Variants in BMX observed in about 807,000 individuals in gnomAD.
BMX encodes BMX non-receptor tyrosine kinase.
In BMX, 31 loss-of-function variants were observed where a neutral mutation model predicts 59.2. That is an observed-to-expected ratio of 0.52 (90% confidence interval 0.39 to 0.71). The LOEUF is 0.71. BMX is among the 30% of genes least tolerant of loss of function. The pLI, the probability that BMX is intolerant of heterozygous loss-of-function variation, is 0.00. For missense variants in BMX, 474 were observed against 491.7 expected (o/e 0.96, Z 0.34); for synonymous variants, 185 against 181.0 (o/e 1.02, Z -0.18).
Position 15,516,100 on chromosome X carries a change from T to G in BMX, c.326-12T>G. On this transcript the variant is annotated splice_polypyrimidine_tract_variant and intron_variant, in intron 4 of 18. Transcript: ENST00000348343. ...TTGCTAACGTCTTGTTTTCTTCCTGTCTGCTCCTCAGAGATAAGGGGTAAC... is the reference window on the plus strand; with the variant it reads ...TTGCTAACGTCTTGTTTTCTTCCTGGCTGCTCCTCAGAGATAAGGGGTAAC... 1 of 1,207,802 alleles carries G rather than the reference T, an allele frequency of 8.3e-7. No homozygotes were observed. Among genetic ancestry groups the G allele is most frequent in the Non-Finnish European group, 1.1e-6 (1 of 892,434 alleles).
intron 14 of BMX, 37 bp downstream of exon 14, chrX:15,537,342 T>C (rs1211090615): frequency 8.4e-7 from 1 of 1,195,418 alleles, no homozygotes; most frequent in Admixed American, 2.2e-5. Flanking sequence ...TTAGCCCTCA[T>C]CATGGGAGGG....
intron 11 of BMX, among the ~76,000 whole-genome samples, chrX:15,531,869 T>C: frequency 8.9e-6 from 1 of 111,981 alleles, no homozygotes; most frequent in East Asian, 2.8e-4. Flanking sequence ...GAAGGTTGAC[T>C]CAGTGCTGCT....
At chrX:15,527,722 C>T (rs2147121796) in intron 9 of BMX, among the ~76,000 whole-genome samples, 1 of 111,898 alleles carries the variant, frequency 8.9e-6, no homozygotes, top group East Asian at 2.8e-4. Flanking sequence ...CCTCTCATCT[C>T]TAACCCAGCC....
At position 15,543,013 on chromosome X, in the gene BMX, A is replaced by G; in HGVS notation, c.1612-58A>G. ...TGAGAATTCTACTCAAAAGGAGGAA[A>G]ATGTCAGGAGATTCTTGGTCACTTT... On this transcript the variant is annotated intron_variant, in intron 15 of 18. Coordinates refer to ENST00000348343, the MANE Select transcript of BMX (RefSeq NM_203281.3). The G allele has an allele frequency of 2.8e-6, 3 of 1,090,388 alleles. No homozygotes were observed. The Admixed American group carries it at 6.6e-5, about 24-fold the overall frequency. The allele number at this position is 1,090,388 out of a possible 1,213,427, so 89.9% of individuals were successfully genotyped here.
At chrX:15,507,986 G>A (rs771992233) in intron 1 of BMX, among the ~76,000 whole-genome samples, 1 of 111,825 alleles carries the variant, frequency 8.9e-6, no homozygotes, top group South Asian at 3.7e-4. Flanking sequence ...ATTTTCTGAA[G>A]TTTTATTATA....
intron 10 of BMX, among the ~76,000 whole-genome samples, chrX:15,530,332 T>C (rs894883872): frequency 1.5e-4 from 17 of 111,800 alleles, no homozygotes; most frequent in African/African-American, 5.2e-4. Flanking sequence ...TTAGGGGCAC[T>C]CCTGTGGCTG....
Position 15,516,125 on chromosome X carries a change from C to G in BMX, c.339C>G (p.Asn113Lys). The change falls in exon 5 of 19, where the codon AAC (asparagine) becomes AAG (lysine). Residue 113 changes from asparagine to lysine, a missense_variant. Asn to Lys is a moderately conservative substitution (Grantham distance 94). Coordinates refer to ENST00000348343, the MANE Select transcript of BMX (RefSeq NM_203281.3). ...LKALQKEIRG[N>K]PHLLVKYHSG... Reference sequence around the variant, plus strand: ...TCTGCTCCTCAGAGATAAGGGGTAACCCCCACCTGCTGGTCAAGTACCATA... The same window carrying G: ...TCTGCTCCTCAGAGATAAGGGGTAAGCCCCACCTGCTGGTCAAGTACCATA... 8.3e-7 allele frequency: 1 copy of G among 1,210,577 alleles called. No individual in the cohort carries two copies. The highest frequency in any genetic ancestry group is 1.8e-5 in the South Asian group (1 of 56,845).
intron 8 of BMX, among the ~76,000 whole-genome samples, chrX:15,525,779 T>C (rs1282597206): frequency 1.8e-5 from 2 of 112,279 alleles, no homozygotes; most frequent in Non-Finnish European, 3.8e-5. Flanking sequence ...CAAAGAAATA[T>C]AAGTTCTTCT....
intron 5 of BMX, among the ~76,000 whole-genome samples, chrX:15,516,488 T>A (rs1924162454): frequency 8.9e-6 from 1 of 111,931 alleles, no homozygotes; most frequent in Non-Finnish European, 1.9e-5. Flanking sequence ...AAAATTTGAA[T>A]CATTAATCAA....
At position 15,544,128 on chromosome X, in the gene BMX, A is replaced by C. The variant is rs62578901; in HGVS notation, c.1676+993A>C. On this transcript the variant is annotated intron_variant, in intron 16 of 18. Coordinates refer to ENST00000348343, the MANE Select transcript of BMX (RefSeq NM_203281.3). The stretch of plus-strand genomic sequence containing the variant: ...TTCTGAAGGTGAATAATGCAGTTTA[A>C]AAGAGATCTGAAGAGTTGACCAAGG... Among the ~76,000 whole-genome samples, 839 of 111,548 alleles carry C rather than the reference A, an allele frequency of 7.5e-3. 4 individuals are homozygous for C. Among genetic ancestry groups the C allele is most frequent in the Middle Eastern group, 0.019 (4 of 216 alleles).
chrX:15,514,512 C>G (rs1195539770), intron 4 of BMX, among the ~76,000 whole-genome samples: 1 of 111,330 alleles, frequency 9.0e-6, no homozygotes, highest in Non-Finnish European at 1.9e-5. Flanking sequence ...CATAACTCTC[C>G]TGGGATCAAC....
At chrX:15,513,096 T>C (rs755556904) in intron 4 of BMX, among the ~76,000 whole-genome samples, 11 of 112,604 alleles carry the variant, frequency 9.8e-5, no homozygotes, top group African/African-American at 3.5e-4. Flanking sequence ...CAGTTAGTGA[T>C]GTTTTGGGCT....
intron 5 of BMX, 109 bp downstream of exon 5, chrX:15,516,340 G>A (rs1457354834): frequency 9.8e-7 from 1 of 1,021,554 alleles, no homozygotes; most frequent in African/African-American, 1.9e-5. Context: ...GTGCCAGATT[G>A]GTTGGCATCA....
intron 7 of BMX, among the ~76,000 whole-genome samples, chrX:15,523,533 T>A (rs1473059360): frequency 8.9e-6 from 1 of 111,896 alleles, no homozygotes; most frequent in Non-Finnish European, 1.9e-5. Context: ...TAAGCCATGG[T>A]CCCTTTCATT....
At chrX:15,527,283 T>TATATATAGAC (rs1285065649) in intron 9 of BMX, among the ~76,000 whole-genome samples, 33 of 65,866 alleles carry the variant, frequency 5.0e-4, no homozygotes, top group African/African-American at 2.1e-3. Flanking sequence ...TATATATATA[T>TATATATAGAC]ACACACACAC....
chrX:15,542,045 CAT>C lies in BMX; in HGVS notation c.1460_1461del (p.Ile487SerfsTer3). ...GVCSKEYPIY[I>X]VTEYISNGCL... ...TGTGTTCAAAGGAATACCCCATATA[CAT>C]AGTGACTGAATATATAAGCAATGGC... On this transcript the variant is annotated frameshift_variant, in exon 15 of 19. Coordinates refer to ENST00000348343, the MANE Select transcript of BMX (RefSeq NM_203281.3). LOFTEE classifies it high-confidence loss of function. 8.3e-7 allele frequency: 1 copy of C among 1,211,074 alleles called. No homozygotes were observed. Among genetic ancestry groups the C allele is most frequent in the Non-Finnish European group, 1.1e-6 (1 of 895,181 alleles).
chrX:15,531,178 T>C, intron 10 of BMX, 150 bp from the exon 11 acceptor site: 1 of 473,364 alleles, frequency 2.1e-6, no homozygotes. Context: ...ATAGAGCAGA[T>C]CTATAAAGAG....
intron 1 of BMX, among the ~76,000 whole-genome samples, chrX:15,502,160 G>A: frequency 9.0e-6 from 1 of 111,612 alleles, no homozygotes; most frequent in African/African-American, 3.3e-5. Flanking sequence ...AGATGGGGAA[G>A]CTGAGGTTTA....
At chrX:15,514,103 A>G (rs754311936) in intron 4 of BMX, among the ~76,000 whole-genome samples, 1 of 112,026 alleles carries the variant, frequency 8.9e-6, no homozygotes, top group South Asian at 3.7e-4. Flanking sequence ...AACCAAATCC[A>G]TGTAGTAAGG....
Sources: allele counts gnomAD v4.1 joint callset (sites outside exome capture counted in the v4.1 genomes callset), GRCh38; gene constraint gnomAD v4.1.1; transcripts MANE v1.5; gene names NCBI Gene and HGNC (gene_info 2026-07-23, HGNC 2026-07-21).